Variants in CAST observed in about 807,000 individuals in gnomAD.
CAST encodes MIR583 host.
A neutral mutation model predicts 119.6 loss-of-function variants in CAST; 76 were observed. The ratio of observed to expected loss-of-function variants is 0.64; its 90% CI spans 0.53 to 0.77. The LOEUF (loss-of-function observed/expected upper bound fraction) is 0.77. Among genes scored for constraint, CAST ranks in the 30% least tolerant of loss-of-function variants. CAST has a pLI of 0.00. For synonymous variants in CAST, 319 were observed against 331.6 expected (o/e 0.96, Z 0.41); for missense variants, 953 against 946.5 (o/e 1.01, Z -0.09).
In CAST at chr5:96,773,587, T is replaced by C. The variant is rs1442837935; in HGVS notation, c.*971T>C. On this transcript the variant is annotated 3_prime_UTR_variant, in exon 32 of 32. Coordinates refer to ENST00000675179, the MANE Select transcript of CAST (RefSeq NM_001750.7). ...TTTACCAAATATAAAAAGAAACTTCTGCTTTTAAAAAAATTATATATATAT... is the reference window on the plus strand; with the variant it reads ...TTTACCAAATATAAAAAGAAACTTCCGCTTTTAAAAAAATTATATATATAT... 6.6e-6 allele frequency: 1 copy of C among 151,828 alleles called. No homozygotes were observed. The highest frequency in any genetic ancestry group is 2.4e-5 in the African/African-American group (1 of 41,418). The allele number at this position is 151,828 out of a possible 1,614,324, so 9.4% of individuals were successfully genotyped here.
the CAST span, among the ~76,000 whole-genome samples, chr5:96,288,595 A>G: frequency 5.3e-5 from 8 of 152,244 alleles, no homozygotes; most frequent in African/African-American, 1.9e-4. Flanking sequence ...GCATCATTTT[A>G]TAACCTTAAA....
At chr5:96,543,804 G>C (rs1745957906) in intron 1 of CAST, among the ~76,000 whole-genome samples, 1 of 152,128 alleles carries the variant, frequency 6.6e-6, no homozygotes. Flanking sequence ...AATACCACTT[G>C]TTGAAAAGAT....
intron 1 of CAST, among the ~76,000 whole-genome samples, chr5:96,581,406 A>G (rs1031714346): frequency 2.6e-5 from 4 of 152,330 alleles, no homozygotes; most frequent in Non-Finnish European, 4.4e-5. Flanking sequence ...GAAAATAGTC[A>G]CCATCATAAA....
chr5:96,500,230 A>G, the CAST span, among the ~76,000 whole-genome samples: 3 of 152,236 alleles, frequency 2.0e-5, no homozygotes, highest in Admixed American at 6.5e-5. Flanking sequence ...CTGTTGAAAA[A>G]GTGTGCCTAT....
At chr5:96,571,017 A>G (rs261230) in intron 1 of CAST, among the ~76,000 whole-genome samples, 71,005 of 151,982 alleles carry the variant, frequency 0.47, 16,726 homozygotes, top group Admixed American at 0.5. Context: ...AAACAAGTAT[A>G]TATTCAGAGG....
At chr5:96,708,657 AT>A (rs1755500014) in intron 3 of CAST, among the ~76,000 whole-genome samples, 1 of 152,026 alleles carries the variant, frequency 6.6e-6, no homozygotes, top group African/African-American at 2.4e-5. Context: ...TGCCTGGCTC[AT>A]TTTTGTATTT....
intron 3 of CAST, among the ~76,000 whole-genome samples, chr5:96,701,762 G>C (rs904000328): frequency 6.6e-6 from 1 of 150,894 alleles, no homozygotes; most frequent in Non-Finnish European, 1.5e-5. Flanking sequence ...CTGAGATCAC[G>C]TGACTGCACT....
At chr5:96,116,563 T>G in the CAST span, among the ~76,000 whole-genome samples, 1 of 152,232 alleles carries the variant, frequency 6.6e-6, no homozygotes, top group East Asian at 1.9e-4. Flanking sequence ...GTTCTTATCC[T>G]TGGCAACATA....
chr5:95,969,826 G>C, the CAST span, among the ~76,000 whole-genome samples: 3 of 152,198 alleles, frequency 2.0e-5, no homozygotes, highest in Non-Finnish European at 4.4e-5. Context: ...ATTTGAAAAT[G>C]TGAGTCTTAG....
At chr5:96,555,658 G>T (rs879527037) in intron 1 of CAST, among the ~76,000 whole-genome samples, 2 of 152,198 alleles carry the variant, frequency 1.3e-5, no homozygotes, top group Non-Finnish European at 2.9e-5. Flanking sequence ...CTAACTGCAA[G>T]GCGGCAGCGA....
chr5:96,518,727 G>T, the CAST span, among the ~76,000 whole-genome samples: 2 of 152,146 alleles, frequency 1.3e-5, no homozygotes, highest in Non-Finnish European at 1.5e-5. Flanking sequence ...AGAGTTTATT[G>T]TAGTCTTAAA....
the CAST span, among the ~76,000 whole-genome samples, chr5:95,979,211 C>A: frequency 6.6e-6 from 1 of 152,088 alleles, no homozygotes; most frequent in African/African-American, 2.4e-5. Context: ...CCTAAAACAA[C>A]CATTACTAAG....
At chr5:96,107,583 C>G in the CAST span, among the ~76,000 whole-genome samples, 3 of 152,014 alleles carry the variant, frequency 2.0e-5, no homozygotes, top group Non-Finnish European at 4.4e-5. Context: ...GAGTTTCTGC[C>G]GAGAGATCCG....
Position 96,765,212 on chromosome 5 carries a change from A to G in CAST, c.1933-9A>G, listed in dbSNP as rs1406100772. 12 of 1,526,812 alleles carry G rather than the reference A, an allele frequency of 7.9e-6. No individual in the cohort carries two copies. The Admixed American group carries it at 1.9e-4, about 25-fold the overall frequency. The allele number at this position is 1,526,812 out of a possible 1,614,324, so 94.6% of individuals were successfully genotyped here. ...ATGAGTGACTAATTCAGCATTATTTACTTTTCAGCAGAGTGACAAAGACCT... is the reference window on the plus strand; with the variant it reads ...ATGAGTGACTAATTCAGCATTATTTGCTTTTCAGCAGAGTGACAAAGACCT... On this transcript the variant is annotated splice_polypyrimidine_tract_variant and intron_variant, in intron 25 of 31. Coordinates refer to ENST00000675179, the MANE Select transcript of CAST (RefSeq NM_001750.7).
At chr5:96,439,251 A>G in the CAST span, among the ~76,000 whole-genome samples, 29 of 152,308 alleles carry the variant, frequency 1.9e-4, no homozygotes, top group Non-Finnish European at 3.1e-4. Flanking sequence ...ATGCCCCACT[A>G]AAACCCCTCA....
At chr5:96,250,457 G>A in the CAST span, among the ~76,000 whole-genome samples, 1 of 152,054 alleles carries the variant, frequency 6.6e-6, no homozygotes, top group East Asian at 1.9e-4. Context: ...ATTCCAGGCA[G>A]GAGAAATGAT....
intron 1 of CAST, among the ~76,000 whole-genome samples, chr5:96,625,412 G>A (rs1214263629): frequency 2.0e-5 from 3 of 152,128 alleles, no homozygotes; most frequent in Admixed American, 6.5e-5. Context: ...ATGTTTTCTA[G>A]ATAAATACCT....
the CAST span, chr5:96,429,290 A>G: frequency 6.3e-7 from 1 of 1,590,278 alleles, no homozygotes; most frequent in Non-Finnish European, 8.6e-7. Flanking sequence ...TTATGTTTGA[A>G]TAAGTAGTGA....
chr5:96,011,511 A>G, the CAST span, among the ~76,000 whole-genome samples: 1 of 152,176 alleles, frequency 6.6e-6, no homozygotes, highest in Non-Finnish European at 1.5e-5. Context: ...TATTAGCTCA[A>G]TCACAATTAT....
Sources: allele counts gnomAD v4.1 joint callset (sites outside exome capture counted in the v4.1 genomes callset), GRCh38; gene constraint gnomAD v4.1.1; transcripts MANE v1.5; gene names NCBI Gene and HGNC (gene_info 2026-07-23, HGNC 2026-07-21).